Variants in PCDHGB2 observed in about 807,000 individuals in gnomAD.
The protein encoded by PCDHGB2 is protocadherin gamma-B2.
Under a neutral mutation model 59.3 loss-of-function variants are expected in PCDHGB2, and 55 were observed. The ratio of observed to expected loss-of-function variants is 0.93; its 90% CI spans 0.75 to 1.16. The LOEUF is 1.16. Among genes scored for constraint, PCDHGB2 ranks in the 50% most tolerant of loss-of-function variants. PCDHGB2 has a pLI of 0.00. For missense variants in PCDHGB2, 1,228 were observed against 1,198.5 expected (o/e 1.02, Z -0.36); for synonymous variants, 516 against 512.0 (o/e 1.01, Z -0.11).
At chr5:141,449,588 CA>C (rs768743917) in intron 1 of PCDHGB2, among the ~76,000 whole-genome samples, 1,277 of 57,494 alleles carry the variant, frequency 0.022, 7 homozygotes, top group Middle Eastern at 0.041. Flanking sequence ...GACTCTGTCT[CA>C]AAAAAAAAAA....
intron 1 of PCDHGB2, chr5:141,440,036 A>T (rs540100930): frequency 6.5e-6 from 1 of 153,058 alleles, no homozygotes; most frequent in Non-Finnish European, 1.5e-5. Context: ...TGTCGAGGAC[A>T]TGCCCACTTG....
At chr5:141,405,093 T>C in intron 1 of PCDHGB2, 1 of 1,613,946 alleles carries the variant, frequency 6.2e-7, no homozygotes, top group Non-Finnish European at 8.5e-7. Flanking sequence ...CTGCTGGCCC[T>C]CAGGCTGAGG....
In PCDHGB2 at chr5:141,360,585, A is replaced by G; in HGVS notation, c.450A>G (p.Thr150=). The change falls in exon 1 of 4, where the codon ACA becomes ACG. Residue 150 remains threonine (T), a synonymous_variant. Coordinates refer to ENST00000522605, the MANE Select transcript of PCDHGB2 (RefSeq NM_018923.3). The part of the protein sequence containing the change: ...LKIGESTKPG[T]TFPLDPALDS... ...TTGGCGAATCCACTAAGCCAGGTAC[A>G]ACATTTCCACTTGACCCAGCCCTGG... The G allele has an allele frequency of 1.2e-6, 2 of 1,614,006 alleles. No individual in the cohort carries two copies. The highest frequency in any genetic ancestry group is 8.5e-7 in the Non-Finnish European group (1 of 1,179,868).
At chr5:141,375,324 A>G in intron 1 of PCDHGB2, 2 of 1,613,806 alleles carry the variant, frequency 1.2e-6, no homozygotes, top group Non-Finnish European at 1.7e-6. Flanking sequence ...GACCGGGAAG[A>G]GGTATTCTTG....
intron 1 of PCDHGB2, chr5:141,440,642 A>G (rs1351979857): frequency 6.6e-6 from 1 of 152,234 alleles, no homozygotes; most frequent in African/African-American, 2.4e-5. Context: ...AATTCCTTAC[A>G]AAATTATCAC....
Position 141,486,902 on chromosome 5 carries a change from C to T in PCDHGB2, c.2422-7905C>T, listed in dbSNP as rs2099636761. On this transcript the variant is annotated intron_variant, in intron 1 of 3. Transcript: ENST00000522605. This position sits in a 1 kb window ranked among gnomAD's most constrained non-coding sequence, Gnocchi z 5.0. ...TCGGGCCCGGCCTGGTTCCTTATGT[C>T]CCCAAGCACTGCCTCCATCAGTTGG... 1 of 1,614,226 alleles carries T rather than the reference C, an allele frequency of 6.2e-7. No individual in the cohort carries two copies. The highest frequency in any genetic ancestry group is 8.5e-7 in the Non-Finnish European group (1 of 1,180,044).
At chr5:141,370,806 A>C in intron 1 of PCDHGB2, 1 of 1,614,054 alleles carries the variant, frequency 6.2e-7, no homozygotes, top group Non-Finnish European at 8.5e-7. Context: ...CCAAAATATC[A>C]CTGAGCTGGA....
chr5:141,428,459 A>G (rs1322945046), intron 1 of PCDHGB2: 2 of 350,154 alleles, frequency 5.7e-6, no homozygotes, highest in Non-Finnish European at 1.1e-5. Flanking sequence ...CCCAACTACA[A>G]TGAGGGAACT....
At chr5:141,414,781 G>A (rs755811755) in intron 1 of PCDHGB2, 1 of 1,614,230 alleles carries the variant, frequency 6.2e-7, no homozygotes, top group Admixed American at 1.7e-5. Context: ...ACAGATGCAG[G>A]TGACAGCCAG....
intron 1 of PCDHGB2, chr5:141,415,512 T>G (rs997659180): frequency 3.1e-6 from 5 of 1,614,234 alleles, no homozygotes; most frequent in Non-Finnish European, 4.2e-6. Context: ...AGCCCAATTA[T>G]GCGGACACGC....
intron 1 of PCDHGB2, chr5:141,413,580 A>G (rs1216926250): frequency 5.0e-6 from 8 of 1,613,804 alleles, no homozygotes; most frequent in Non-Finnish European, 1.7e-6. Context: ...ACAATGCTCC[A>G]AAATTCCAAG....
rs763364016 is a variant in PCDHGB2, at chr5:141,362,423, CAG to C, written c.2291_2292del (p.Glu764ValfsTer19). ...TGTGTTGCCTCACAATCAGCCAAGACAGAGTTCAATTTTCTGAACATAACCCC... is the reference window on the plus strand; with the variant it reads ...TGTGTTGCCTCACAATCAGCCAAGACAGTTCAATTTTCTGAACATAACCCC... On this transcript the variant is annotated frameshift_variant, in exon 1 of 4. Transcript: ENST00000522605. LOFTEE classifies it high-confidence loss of function. 6.2e-7 allele frequency: 1 copy of C among 1,614,052 alleles called. No homozygotes were observed. The highest frequency in any genetic ancestry group is 1.7e-5 in the Admixed American group (1 of 60,030).
intron 1 of PCDHGB2, among the ~76,000 whole-genome samples, chr5:141,387,227 A>C (rs1220813655): frequency 1.3e-5 from 2 of 152,230 alleles, no homozygotes; most frequent in Non-Finnish European, 2.9e-5. Flanking sequence ...AAGTTGAAAT[A>C]AATCAACTTG....
At position 141,501,290 on chromosome 5, in the gene PCDHGB2, TACACACACACAC is replaced by T. The variant is rs55762287; in HGVS notation, c.2481-4070_2481-4059del. Among the ~76,000 whole-genome samples, 15 of 136,248 alleles carry T rather than the reference TACACACACACAC, an allele frequency of 1.1e-4. No homozygotes were observed. The South Asian group carries it at 1.2e-3, about 11-fold the overall frequency. The allele number at this position is 136,248 out of a possible 152,430, so 89.4% of individuals were successfully genotyped here. A position where few individuals can be genotyped will look rare whatever the true frequency, so the allele number is the denominator to read the frequency against. ...GTCCAGTCTATGGGATATTCCCTTA[TACACACACACAC>T]ACACACACACACACACACACACACA... On this transcript the variant is annotated intron_variant, in intron 2 of 3. Transcript: ENST00000522605.
intron 1 of PCDHGB2, chr5:141,383,844 T>C (rs569088165): frequency 2.5e-6 from 4 of 1,613,924 alleles, no homozygotes; most frequent in Non-Finnish European, 3.4e-6. Context: ...CTGCCTTCTA[T>C]GAAATGGAGG....
chr5:141,437,217 T>G (rs2097868672), intron 1 of PCDHGB2, among the ~76,000 whole-genome samples: 1 of 152,230 alleles, frequency 6.6e-6, no homozygotes, highest in Admixed American at 6.5e-5. Flanking sequence ...TTATTCTGAT[T>G]CCAGTCATAA....
chr5:141,364,386 T>C lies in PCDHGB2; in HGVS notation c.2421+1830T>C, dbSNP rs543592741. 3.8e-6 allele frequency: 6 copies of C among 1,592,054 alleles called. No homozygotes were observed. In the Admixed American group the frequency reaches 8.9e-5, roughly 24 times the overall value. On this transcript the variant is annotated intron_variant, in intron 1 of 3. Transcript: ENST00000522605. ...GGAGAGCTGCTGCTGCCCTTCATGC[T>C]CCTGGGGACGCTGTGCGAGCCAGGA...
chr5:141,430,521 A>G, intron 1 of PCDHGB2: 1 of 350,390 alleles, frequency 2.9e-6, no homozygotes, highest in Non-Finnish European at 5.1e-6. Context: ...TTGTGCAGTA[A>G]TTGGTTAGGA....
At chr5:141,389,439 G>C (rs201120335) in intron 1 of PCDHGB2, 1 of 1,610,580 alleles carries the variant, frequency 6.2e-7, no homozygotes, top group Non-Finnish European at 8.5e-7. Flanking sequence ...GCGCGCCTTC[G>C]ACCACGAGCA....
Sources: gnomAD v4.1 joint callset for allele counts (sites outside exome capture counted in the v4.1 genomes callset) on GRCh38, gnomAD v4.1.1 for gene constraint, Gnocchi (gnomAD v3.1) non-coding constraint, MANE v1.5 for transcripts, NCBI Gene and HGNC (gene_info 2026-07-23, HGNC 2026-07-21) for gene names.